Variants in ACSF2 observed in about 807,000 individuals in gnomAD.
The protein encoded by ACSF2 is medium-chain acyl-CoA ligase ACSF2, mitochondrial.
A neutral mutation model predicts 79.3 loss-of-function variants in ACSF2; 52 were observed. The ratio of observed to expected loss-of-function variants is 0.66; its 90% CI spans 0.53 to 0.83. The LOEUF is 0.83. ACSF2 is among the 40% of genes least tolerant of loss of function. The probability of loss-of-function intolerance (pLI) is 0.00; values close to 1 mark genes in which losing one functional copy is unlikely to be tolerated. For synonymous variants in ACSF2, 283 were observed against 312.6 expected (o/e 0.91, Z 1.00); for missense variants, 661 against 803.3 (o/e 0.82, Z 2.14).
intron 10 of ACSF2, chr17:50,465,326 TTGG>T: frequency 7.4e-6 from 12 of 1,614,044 alleles, no homozygotes; most frequent in Non-Finnish European, 1.0e-5. Context: ...CTTGGACCTC[TTGG>T]TGGGGAACTT....
At position 50,465,812 on chromosome 17, in the gene ACSF2, T is replaced by A; in HGVS notation, c.1215+1518T>A. 1 of 1,613,752 alleles carries A rather than the reference T, an allele frequency of 6.2e-7. No homozygotes were observed. The highest frequency in any genetic ancestry group is 8.5e-7 in the Non-Finnish European group (1 of 1,179,950). On this transcript the variant is annotated intron_variant, in intron 10 of 15. Transcript: ENST00000300441. Reference sequence around the variant, plus strand: ...GTTGGAGGGTAGCTGGTTCAAGCGGTTGTTCTCCAAATGGACGTGTTTCAG... The same window carrying A: ...GTTGGAGGGTAGCTGGTTCAAGCGGATGTTCTCCAAATGGACGTGTTTCAG...
intron 11 of ACSF2, chr17:50,472,178 T>G: frequency 2.1e-6 from 1 of 486,594 alleles, no homozygotes. Context: ...GCCTGCCCAC[T>G]CTGTTTCCTC....
intron 1 of ACSF2, among the ~76,000 whole-genome samples, chr17:50,458,573 C>T (rs1278158329): frequency 1.3e-5 from 2 of 152,230 alleles, no homozygotes; most frequent in East Asian, 1.9e-4. Flanking sequence ...CTTATCTCAG[C>T]TTTCTAAACA....
intron 1 of ACSF2, among the ~76,000 whole-genome samples, chr17:50,442,178 G>A (rs2030972633): frequency 6.6e-6 from 1 of 151,970 alleles, no homozygotes; most frequent in Non-Finnish European, 1.5e-5. Flanking sequence ...GGTGGTGCAT[G>A]CCTGTAGTCC....
In ACSF2 at chr17:50,463,804, C is replaced by T. The variant is rs368079198; in HGVS notation, c.1047-14C>T. ...CCACTTCCAAGCCTAATTTCGAGACCTCCTCCTATACAGAGGCACCTTCCT... is the reference window on the plus strand; with the variant it reads ...CCACTTCCAAGCCTAATTTCGAGACTTCCTCCTATACAGAGGCACCTTCCT... On this transcript the variant is annotated splice_polypyrimidine_tract_variant and intron_variant, in intron 8 of 15. Coordinates refer to ENST00000300441, the MANE Select transcript of ACSF2 (RefSeq NM_025149.6). This position sits in a 1 kb window ranked among gnomAD's most constrained non-coding sequence, Gnocchi z 4.6. 2.0e-4 allele frequency: 317 copies of T among 1,612,190 alleles called. 2 individuals carry two copies. Among genetic ancestry groups the T allele is most frequent in the Non-Finnish European group, 2.2e-4 (265 of 1,178,478 alleles).
Position 50,431,110 on chromosome 17 carries a change from G to A in ACSF2, c.128+4721G>A, listed in dbSNP as rs550977632. 2.2e-4 allele frequency among the ~76,000 whole-genome samples: 33 copies of A among 152,268 alleles called. No individual in the cohort carries two copies. The South Asian group carries it at 4.1e-3, about 19-fold the overall frequency. On this transcript the variant is annotated intron_variant, in intron 1 of 15. Transcript: ENST00000300441. ...CATGATTTATGAATGATTTGGTAACGATATCCCTATGCATTCCACTGGGGA... is the reference window on the plus strand; with the variant it reads ...CATGATTTATGAATGATTTGGTAACAATATCCCTATGCATTCCACTGGGGA...
intron 1 of ACSF2, among the ~76,000 whole-genome samples, chr17:50,436,097 TTTGTTG>T (rs143622318): frequency 0.023 from 3,469 of 152,124 alleles, 134 homozygotes; most frequent in African/African-American, 0.079. Context: ...AGAGTTCATT[TTTGTTG>T]TTGTTGTTGT....
chr17:50,428,713 C>T (rs1350546006), intron 1 of ACSF2, among the ~76,000 whole-genome samples: 2 of 152,130 alleles, frequency 1.3e-5, no homozygotes, highest in African/African-American at 2.4e-5. Flanking sequence ...ACCTGGGAAG[C>T]GGAGGTTGCA....
At chr17:50,449,048 G>A (rs572066703) in intron 1 of ACSF2, among the ~76,000 whole-genome samples, 23 of 123,256 alleles carry the variant, frequency 1.9e-4, no homozygotes, top group African/African-American at 5.1e-4. Flanking sequence ...ATGGAGTCTC[G>A]CTCTGTCACC....
chr17:50,451,219 T>C (rs1167975968), intron 1 of ACSF2, among the ~76,000 whole-genome samples: 1 of 152,232 alleles, frequency 6.6e-6, no homozygotes, highest in Non-Finnish European at 1.5e-5. Context: ...CTTACAGGCA[T>C]GAGCCACTGT....
intron 1 of ACSF2, among the ~76,000 whole-genome samples, chr17:50,456,937 C>A (rs1333676234): frequency 6.6e-6 from 1 of 151,918 alleles, no homozygotes; most frequent in African/African-American, 2.4e-5. Context: ...TGGTGGCACA[C>A]ACCTGTAGTC....
intron 4 of ACSF2, among the ~76,000 whole-genome samples, chr17:50,461,951 T>TGTGTGTGTGTGTGTGTGCGC (rs112810352): frequency 9.0e-4 from 136 of 150,468 alleles, no homozygotes; most frequent in African/African-American, 3.2e-3. Context: ...TGTGTGTGTG[T>TGTGTGTGTGTGTGTGTGCGC]GCGTGTGTCC....
In ACSF2 at chr17:50,446,306, C is replaced by CT. The variant is rs201404758; in HGVS notation, c.129-14363dup. On this transcript the variant is annotated intron_variant, in intron 1 of 15. Coordinates refer to ENST00000300441, the MANE Select transcript of ACSF2 (RefSeq NM_025149.6). ...TATATGACAGATTCAGAAAAGTACA[C>CT]TTTTTTTTGGAGGCAATCTTGGCTC... is the stretch of plus-strand genomic sequence containing the variant. Among the ~76,000 whole-genome samples the CT allele has an allele frequency of 1.9e-3, 287 of 151,700 alleles. 1 individual carries two copies. Among genetic ancestry groups the CT allele is most frequent in the African/African-American group, 6.3e-3 (262 of 41,382 alleles).
chr17:50,470,614 C>T (rs1181934864), intron 10 of ACSF2, among the ~76,000 whole-genome samples: 1 of 151,692 alleles, frequency 6.6e-6, no homozygotes, highest in East Asian at 2.0e-4. Flanking sequence ...TTTATGGGGC[C>T]TTCAGCTTGG....
intron 1 of ACSF2, among the ~76,000 whole-genome samples, chr17:50,432,640 C>G (rs1378368541): frequency 1.3e-5 from 2 of 152,210 alleles, no homozygotes; most frequent in African/African-American, 4.8e-5. Context: ...CTGCCAGTGC[C>G]TCTCCCTTTA....
intron 10 of ACSF2, chr17:50,465,575 A>G: frequency 6.8e-7 from 1 of 1,465,298 alleles, no homozygotes; most frequent in Non-Finnish European, 9.3e-7. Flanking sequence ...AAATGGGGAA[A>G]CTGAGGCTCC....
At position 50,446,252 on chromosome 17, in the gene ACSF2, G is replaced by GT. The variant is rs907448406; in HGVS notation, c.129-14414dup. Among the ~76,000 whole-genome samples, 317 of 147,384 alleles carry GT rather than the reference G, an allele frequency of 2.2e-3. 2 individuals are homozygous for GT. The highest frequency in any genetic ancestry group is 9.3e-3 in the East Asian group (47 of 5,070). Reference sequence around the variant, plus strand: ...TTGGCAGTAGCTTAAGCCCTAGAAGGTTTTTTTTTTTAAAACTTCGTGTTG... The same window carrying GT: ...TTGGCAGTAGCTTAAGCCCTAGAAGGTTTTTTTTTTTTAAAACTTCGTGTTG... On this transcript the variant is annotated intron_variant, in intron 1 of 15. Coordinates refer to ENST00000300441, the MANE Select transcript of ACSF2 (RefSeq NM_025149.6).
intron 1 of ACSF2, among the ~76,000 whole-genome samples, chr17:50,458,039 G>A (rs1359983339): frequency 2.0e-5 from 3 of 152,196 alleles, no homozygotes; most frequent in African/African-American, 4.8e-5. Flanking sequence ...AGATGATTCC[G>A]AAGCAGCTCT....
intron 1 of ACSF2, among the ~76,000 whole-genome samples, chr17:50,454,948 A>C (rs922653615): frequency 3.3e-5 from 5 of 152,186 alleles, no homozygotes; most frequent in Non-Finnish European, 7.3e-5. Context: ...TGGAAAACCA[A>C]GTTCCAAACT....
Sources: allele counts gnomAD v4.1 joint callset (sites outside exome capture counted in the v4.1 genomes callset), GRCh38; gene constraint gnomAD v4.1.1; non-coding constraint Gnocchi (gnomAD v3.1); transcripts MANE v1.5; gene names NCBI Gene and HGNC (gene_info 2026-07-23, HGNC 2026-07-21).